TMCC1: variants seen among roughly 807,000 people sequenced by gnomAD.
TMCC1 encodes the protein transmembrane and coiled-coil domains protein 1.
TMCC1 carries 15 observed loss-of-function variants against 52.4 expected under a neutral mutation model. The observed-to-expected ratio is 0.29, with a 90% CI of 0.19 to 0.44. The LOEUF is 0.44. Ranked by LOEUF, TMCC1 falls within the 20% of genes least tolerant of loss-of-function variation. TMCC1 has a pLI of 1.00. For synonymous variants in TMCC1, 279 were observed against 301.9 expected (o/e 0.92, Z 0.79); for missense variants, 503 against 806.0 (o/e 0.62, Z 4.55).
chr3:129,686,377 C>T (rs1057201493), intron 4 of TMCC1, among the ~76,000 whole-genome samples: 22 of 152,286 alleles, frequency 1.4e-4, no homozygotes, highest in Admixed American at 1.0e-3. Context: ...GCTGGGATTA[C>T]AGGTGTGAGC....
At chr3:129,678,590 G>A (rs967436002) in intron 4 of TMCC1, among the ~76,000 whole-genome samples, 12 of 151,450 alleles carry the variant, frequency 7.9e-5, no homozygotes, top group East Asian at 5.9e-4. Context: ...TTAAACTCCC[G>A]ACCTCATGAT....
At chr3:129,794,242 C>A in intron 4 of TMCC1, 1 of 452,086 alleles carries the variant, frequency 2.2e-6, no homozygotes, top group Non-Finnish European at 4.4e-6. Context: ...GCAGGCTTGA[C>A]AGAACAGTTC....
Position 129,684,017 on chromosome 3 carries a change from C to T in TMCC1, c.577-12753G>A, listed in dbSNP as rs62267602. Among the ~76,000 whole-genome samples the T allele has an allele frequency of 9.0e-3, 1,373 of 152,238 alleles. 13 individuals are homozygous for T. Among genetic ancestry groups the T allele is most frequent in the Non-Finnish European group, 0.014 (975 of 68,016 alleles). On this transcript the variant is annotated intron_variant, in intron 4 of 6. Transcript: ENST00000393238. ...ACACTGATAAAGTTGGTGTAAATGC[C>T]TGCTGTATATACTGTCTCTAACGTC...
chr3:129,696,635 T>G (rs1374500759), intron 4 of TMCC1, among the ~76,000 whole-genome samples: 1 of 152,194 alleles, frequency 6.6e-6, no homozygotes, highest in Non-Finnish European at 1.5e-5. Flanking sequence ...TAGTCCAAAG[T>G]CTCATGTGAG....
chr3:129,755,326 T>C (rs1011681340), intron 4 of TMCC1, among the ~76,000 whole-genome samples: 2 of 152,060 alleles, frequency 1.3e-5, no homozygotes, highest in African/African-American at 4.8e-5. Flanking sequence ...AAATTGTACA[T>C]GTACCCTGAA....
chr3:129,683,898 T>C (rs1034241758), intron 4 of TMCC1, among the ~76,000 whole-genome samples: 33 of 152,234 alleles, frequency 2.2e-4, no homozygotes, highest in African/African-American at 8.0e-4. Context: ...ATATAAAATC[T>C]TCGGCAAGGG....
At chr3:129,779,451 T>C (rs1319561606) in intron 4 of TMCC1, among the ~76,000 whole-genome samples, 1 of 152,190 alleles carries the variant, frequency 6.6e-6, no homozygotes, top group African/African-American at 2.4e-5. Context: ...AAAAATTCTT[T>C]CCAATATGAC....
chr3:129,760,728 C>T (rs1361295436), intron 4 of TMCC1, among the ~76,000 whole-genome samples: 1 of 151,706 alleles, frequency 6.6e-6, no homozygotes, highest in Non-Finnish European at 1.5e-5. Context: ...CTGCCCGCCT[C>T]GGGCTTCCAA....
intron 4 of TMCC1, among the ~76,000 whole-genome samples, chr3:129,710,971 C>T (rs2048634719): frequency 6.6e-6 from 1 of 152,242 alleles, no homozygotes; most frequent in African/African-American, 2.4e-5. Context: ...TCAAGCGATT[C>T]TCCTGCCTCA....
At position 129,828,389 on chromosome 3, in the gene TMCC1, A is replaced by G; in HGVS notation, c.-11T>C. ...GCCCGAAGGCTCCATCAGTAGACTT[A>G]ATATGCTTATTTGCAAACTCAAAAA... On this transcript the variant is annotated 5_prime_UTR_variant, in exon 4 of 7. Coordinates refer to ENST00000393238, the MANE Select transcript of TMCC1 (RefSeq NM_001017395.5). The surrounding 1 kb of genome is among the most constrained non-coding windows in gnomAD (Gnocchi z 4.1). 1 of 1,604,818 alleles carries G rather than the reference A, an allele frequency of 6.2e-7. No individual in the cohort carries two copies. The highest frequency in any genetic ancestry group is 8.5e-7 in the Non-Finnish European group (1 of 1,175,278).
chr3:129,801,038 C>T (rs1403550614), intron 4 of TMCC1, among the ~76,000 whole-genome samples: 3 of 151,202 alleles, frequency 2.0e-5, no homozygotes, highest in African/African-American at 4.9e-5. Context: ...ATTCTCCTGC[C>T]TCAGCCTCCG....
At chr3:129,831,640 T>C (rs912811969) in intron 3 of TMCC1, among the ~76,000 whole-genome samples, 2 of 152,180 alleles carry the variant, frequency 1.3e-5, no homozygotes. Flanking sequence ...TAGAAAATCT[T>C]TAAGGCCACC....
chr3:129,734,206 A>G (rs1158029945), intron 4 of TMCC1, among the ~76,000 whole-genome samples: 1 of 152,260 alleles, frequency 6.6e-6, no homozygotes, highest in Non-Finnish European at 1.5e-5. Context: ...ACAAACTGGT[A>G]TATTCATAAA....
At chr3:129,679,795 T>C (rs1313884046) in intron 4 of TMCC1, among the ~76,000 whole-genome samples, 2 of 152,248 alleles carry the variant, frequency 1.3e-5, no homozygotes, top group Non-Finnish European at 2.9e-5. Context: ...CAACTAAAAT[T>C]GTGCATGGCA....
chr3:129,728,266 A>G (rs1179121695), intron 4 of TMCC1, among the ~76,000 whole-genome samples: 2 of 152,212 alleles, frequency 1.3e-5, no homozygotes, highest in Non-Finnish European at 2.9e-5. Flanking sequence ...ATAAATTGTC[A>G]CTTTAAGCTA....
At chr3:129,677,929 T>C (rs1389849656) in intron 4 of TMCC1, among the ~76,000 whole-genome samples, 1 of 152,212 alleles carries the variant, frequency 6.6e-6, no homozygotes, top group Non-Finnish European at 1.5e-5. Flanking sequence ...AGTCGGTTCA[T>C]TTTTTATTTG....
At chr3:129,711,979 G>T (rs2048725169) in intron 4 of TMCC1, among the ~76,000 whole-genome samples, 1 of 126,682 alleles carries the variant, frequency 7.9e-6, no homozygotes, top group African/African-American at 3.1e-5. Context: ...TCCAGCCTGG[G>T]CGACAGAGTG....
rs1396617739 is a variant in TMCC1, at chr3:129,660,147, TTTG to T, written c.1512-5047_1512-5045del. 4.6e-5 allele frequency among the ~76,000 whole-genome samples: 7 copies of T among 151,854 alleles called. No individual in the cohort carries two copies. In the South Asian group the frequency reaches 8.3e-4, roughly 18 times the overall value. ...CACTTCTGACTTTTTTCTCTAAGCCTTTGTTGTTGTTGTTTGTTTGAGACAGGG... is the reference window on the plus strand; with the variant it reads ...CACTTCTGACTTTTTTCTCTAAGCCTTTGTTGTTGTTTGTTTGAGACAGGG... On this transcript the variant is annotated intron_variant, in intron 5 of 6. Coordinates refer to ENST00000393238, the MANE Select transcript of TMCC1 (RefSeq NM_001017395.5).
At chr3:129,803,107 C>G (rs781379412) in intron 4 of TMCC1, among the ~76,000 whole-genome samples, 1 of 152,178 alleles carries the variant, frequency 6.6e-6, no homozygotes, top group African/African-American at 2.4e-5. Context: ...AATTCATTCA[C>G]GAGGGCAGAG....
Sources: gnomAD v4.1 joint callset for allele counts (sites outside exome capture counted in the v4.1 genomes callset) on GRCh38, gnomAD v4.1.1 for gene constraint, Gnocchi (gnomAD v3.1) non-coding constraint, MANE v1.5 for transcripts, NCBI Gene and HGNC (gene_info 2026-07-23, HGNC 2026-07-21) for gene names.